WDR49: variants seen among roughly 807,000 people sequenced by gnomAD.
WDR49 encodes the protein WD repeat domain 49.
WDR49 carries 107 observed loss-of-function variants against 119.5 expected under a neutral mutation model. That is an observed-to-expected ratio of 0.90 (90% CI 0.77 to 1.05). WDR49 has a LOEUF of 1.05. Ranked by LOEUF, WDR49 falls within the 50% of genes least tolerant of loss-of-function variation. WDR49 has a pLI of 0.00. For synonymous variants in WDR49, 425 were observed against 418.8 expected (o/e 1.01, Z -0.18); for missense variants, 1,240 against 1,220.5 (o/e 1.02, Z -0.24).
chr3:167,643,098 G>T (rs1472091131), intron 2 of WDR49, among the ~76,000 whole-genome samples: 1 of 151,974 alleles, frequency 6.6e-6, no homozygotes, highest in Non-Finnish European at 1.5e-5. Flanking sequence ...TTCCAGCAAA[G>T]ATAATCAATC....
chr3:167,551,164 A>G (rs1314098576), intron 10 of WDR49, among the ~76,000 whole-genome samples: 1 of 151,976 alleles, frequency 6.6e-6, no homozygotes, highest in East Asian at 1.9e-4. Context: ...TTTTGCTTAG[A>G]CCCAAACATT....
chr3:167,509,657 G>T (rs984394679), intron 16 of WDR49, among the ~76,000 whole-genome samples: 1 of 151,936 alleles, frequency 6.6e-6, no homozygotes, highest in African/African-American at 2.4e-5. Flanking sequence ...ATGACCCAAA[G>T]GCCTTTATGC....
intron 8 of WDR49, among the ~76,000 whole-genome samples, chr3:167,572,795 C>T (rs994561598): frequency 6.6e-6 from 1 of 152,156 alleles, no homozygotes. Flanking sequence ...GTTGAGATGG[C>T]TCTGGAGACT....
chr3:167,552,040 G>C (rs1296033511), intron 10 of WDR49, among the ~76,000 whole-genome samples: 4 of 152,046 alleles, frequency 2.6e-5, no homozygotes, highest in Non-Finnish European at 5.9e-5. Context: ...TTCTAGATAA[G>C]AGGAGAGAAT....
intron 16 of WDR49, among the ~76,000 whole-genome samples, chr3:167,511,377 A>G (rs1392569810): frequency 2.0e-5 from 3 of 152,218 alleles, no homozygotes; most frequent in African/African-American, 7.2e-5. Context: ...AATGCTGTAC[A>G]GTAGAAATAA....
At chr3:167,533,468 T>C (rs1457529322) in intron 11 of WDR49, among the ~76,000 whole-genome samples, 1 of 152,100 alleles carries the variant, frequency 6.6e-6, no homozygotes, top group Non-Finnish European at 1.5e-5. Context: ...CATCCTACTT[T>C]TTATTATTGG....
At chr3:167,626,130 T>G (rs79758463) in intron 3 of WDR49, among the ~76,000 whole-genome samples, 1 of 151,948 alleles carries the variant, frequency 6.6e-6, no homozygotes. Flanking sequence ...ATTTTGGCTA[T>G]GCTAAAATAG....
At chr3:167,643,859 G>A (rs997199562) in intron 2 of WDR49, among the ~76,000 whole-genome samples, 2 of 151,914 alleles carry the variant, frequency 1.3e-5, no homozygotes, top group Non-Finnish European at 2.9e-5. Context: ...TTGGGGAGGG[G>A]ATCATAATAG....
intron 9 of WDR49, among the ~76,000 whole-genome samples, chr3:167,556,240 C>T (rs1482016696): frequency 6.6e-6 from 1 of 152,156 alleles, no homozygotes; most frequent in Non-Finnish European, 1.5e-5. Context: ...CTGTTGACAT[C>T]CTGAAGTTTT....
At position 167,479,874 on chromosome 3, in the gene WDR49, G is replaced by T. The variant is rs141288629; in HGVS notation, c.3032-878C>A. 1.4e-4 allele frequency among the ~76,000 whole-genome samples: 22 copies of T among 152,164 alleles called. No homozygotes were observed. In the East Asian group the frequency reaches 3.7e-3, roughly 25 times the overall value. On this transcript the variant is annotated intron_variant, in intron 18 of 18. Transcript: ENST00000682715. The stretch of plus-strand genomic sequence containing the variant: ...TTAATTGAGAATAAGAAACATGGAG[G>T]TGGGGAAGAATTGGCAAGGGTTGGA...
intron 8 of WDR49, among the ~76,000 whole-genome samples, chr3:167,573,012 T>A (rs1221511384): frequency 6.6e-6 from 1 of 152,166 alleles, no homozygotes; most frequent in Non-Finnish European, 1.5e-5. Flanking sequence ...TGCCACATTG[T>A]TAAAATAAAG....
At chr3:167,482,077 T>C (rs996543258) in intron 18 of WDR49, among the ~76,000 whole-genome samples, 8 of 152,164 alleles carry the variant, frequency 5.3e-5, no homozygotes, top group African/African-American at 1.7e-4. Context: ...CAAAACCAAG[T>C]GATATCCCAG....
chr3:167,516,461 G>T (rs573442228), intron 16 of WDR49, among the ~76,000 whole-genome samples: 1 of 152,134 alleles, frequency 6.6e-6, no homozygotes, highest in African/African-American at 2.4e-5. Flanking sequence ...AGTATTCCAT[G>T]GTGTATATAT....
chr3:167,501,225 A>C, intron 17 of WDR49, among the ~76,000 whole-genome samples: 1 of 152,178 alleles, frequency 6.6e-6, no homozygotes, highest in Admixed American at 6.5e-5. Flanking sequence ...CAAATTAGAG[A>C]AGAAATCTTC....
rs1480249475 is a variant in WDR49, at chr3:167,505,422, A to G, written c.2775-6T>C. On this transcript the variant is annotated splice_polypyrimidine_tract_variant and splice_region_variant and intron_variant, in intron 16 of 18. Coordinates refer to ENST00000682715, the MANE Select transcript of WDR49 (RefSeq NM_001366157.1). ...TATCTTCTGATGGTCTGACACTGGA[A>G]GAAAATATTTCATGATGAAATACAT... 2.0e-6 allele frequency: 3 copies of G among 1,515,914 alleles called. No homozygotes were observed. Among genetic ancestry groups the G allele is most frequent in the African/African-American group, 2.9e-5 (2 of 69,716 alleles). 93.9% of individuals were successfully genotyped at this position (1,515,914 alleles called of 1,614,324 possible).
chr3:167,555,490 T>C (rs1712869538), intron 9 of WDR49, among the ~76,000 whole-genome samples: 1 of 152,208 alleles, frequency 6.6e-6, no homozygotes, highest in Non-Finnish European at 1.5e-5. Context: ...GTCACAAGAA[T>C]GCTGATTTAC....
intron 3 of WDR49, among the ~76,000 whole-genome samples, chr3:167,625,999 G>C (rs1352138781): frequency 6.6e-6 from 1 of 151,696 alleles, no homozygotes; most frequent in African/African-American, 2.4e-5. Context: ...ACGATGTTTG[G>C]ACCTTATTCA....
intron 5 of WDR49, among the ~76,000 whole-genome samples, chr3:167,609,064 T>C (rs1273567695): frequency 6.6e-6 from 1 of 152,172 alleles, no homozygotes; most frequent in African/African-American, 2.4e-5. Flanking sequence ...AGTAATGCTA[T>C]TAAGTGCACT....
At chr3:167,631,117 G>C (rs901526627) in intron 2 of WDR49, among the ~76,000 whole-genome samples, 2 of 151,978 alleles carry the variant, frequency 1.3e-5, no homozygotes, top group Non-Finnish European at 2.9e-5. Context: ...GGCCTGTCAG[G>C]GGGTGGGGAG....
Sources: gnomAD v4.1 joint callset for allele counts (sites outside exome capture counted in the v4.1 genomes callset) on GRCh38, gnomAD v4.1.1 for gene constraint, MANE v1.5 for transcripts, NCBI Gene and HGNC (gene_info 2026-07-23, HGNC 2026-07-21) for gene names.